The following ANKMY1 variants were observed in gnomAD, a reference collection of about 807,000 sequenced individuals.
ANKMY1 encodes the protein ankyrin repeat and MYND domain-containing protein 1.
ANKMY1 carries 98 observed loss-of-function variants against 102.0 expected under a neutral mutation model. The ratio of observed to expected loss-of-function variants is 0.96; its 90% confidence interval spans 0.82 to 1.14. The LOEUF (loss-of-function observed/expected upper bound fraction) is 1.14. Ranked by LOEUF, ANKMY1 falls within the 50% of genes most tolerant of loss-of-function variation. The pLI, the probability that ANKMY1 is intolerant of heterozygous loss-of-function variation, is 0.00. For synonymous variants in ANKMY1, 582 were observed against 559.9 expected (o/e 1.04, Z -0.56); for missense variants, 1,330 against 1,347.6 (o/e 0.99, Z 0.20).
At chr2:240,497,172 G>A (rs1559251285) in intron 15 of ANKMY1, among the ~76,000 whole-genome samples, 1 of 151,896 alleles carries the variant, frequency 6.6e-6, no homozygotes, top group African/African-American at 2.4e-5. Flanking sequence ...TGGAAGCTGA[G>A]CATAAGAATG....
intron 5 of ANKMY1, among the ~76,000 whole-genome samples, chr2:240,528,798 C>A (rs2084520811): frequency 6.6e-6 from 1 of 152,138 alleles, no homozygotes; most frequent in Non-Finnish European, 1.5e-5. Context: ...GATCCTGAGA[C>A]CCTCATTCCC....
intron 2 of ANKMY1, 105 bp downstream of exon 2, chr2:240,557,085 G>A: frequency 8.0e-7 from 1 of 1,248,220 alleles, no homozygotes; most frequent in Non-Finnish European, 1.1e-6. Context: ...GTTTCTCAGG[G>A]AGTAACACAG....
intron 15 of ANKMY1, among the ~76,000 whole-genome samples, chr2:240,485,615 G>C (rs1437865626): frequency 2.0e-5 from 3 of 150,692 alleles, no homozygotes; most frequent in Non-Finnish European, 4.4e-5. Context: ...TTTGAGACAG[G>C]TTCTCACCTT....
At chr2:240,526,978 C>G in intron 5 of ANKMY1, 1 of 1,015,654 alleles carries the variant, frequency 9.8e-7, no homozygotes, top group Non-Finnish European at 1.2e-6. Context: ...GCTTCTGTAC[C>G]TAACAGTCTT....
chr2:240,554,059 C>T (rs2091978106), intron 3 of ANKMY1: 1 of 152,262 alleles, frequency 6.6e-6, no homozygotes, highest in Non-Finnish European at 1.5e-5. Flanking sequence ...ACGTGAAGGG[C>T]ATGGCAGTTT....
Position 240,543,368 on chromosome 2 carries a change from T to A in ANKMY1, c.480+9546A>T, listed in dbSNP as rs568339333. 6.2e-3 allele frequency among the ~76,000 whole-genome samples: 938 copies of A among 150,740 alleles called. 10 individuals are homozygous for A. The highest frequency in any genetic ancestry group is 0.021 in the African/African-American group (884 of 41,166). On this transcript the variant is annotated intron_variant, in intron 4 of 17. Coordinates refer to ENST00000401804, the MANE Select transcript of ANKMY1 (RefSeq NM_001282771.3). ...ACTCTTTCTCAAAAAAAAAAAAAAATTATAGATAAAATAAAAATAGAAATG... is the reference window on the plus strand; with the variant it reads ...ACTCTTTCTCAAAAAAAAAAAAAAAATATAGATAAAATAAAAATAGAAATG...
chr2:240,507,821 C>A, intron 12 of ANKMY1, 130 bp from the exon 13 acceptor site: 1 of 1,158,108 alleles, frequency 8.6e-7, no homozygotes, highest in Non-Finnish European at 1.2e-6. Context: ...CACCGCTGGC[C>A]CTTCCCACGG....
In ANKMY1 at chr2:240,520,368, C is replaced by A. The variant is rs748841966; in HGVS notation, c.1998G>T (p.Pro666=). 4 of 1,551,012 alleles carry A rather than the reference C, an allele frequency of 2.6e-6. No homozygotes were observed. The African/African-American group carries it at 5.5e-5, about 21-fold the overall frequency. Residue 666 remains proline (P), a synonymous_variant, in exon 9 of 18, where the codon CCG becomes CCT. Coordinates refer to ENST00000401804, the MANE Select transcript of ANKMY1 (RefSeq NM_001282771.3). This position sits in a 1 kb window ranked among gnomAD's most constrained non-coding sequence, Gnocchi z 4.8. Reference sequence around the variant, plus strand: ...CGCCCGCCGCGGCTCCTACCTGCGGCGGAAAGCAGATGTCGGTCCTCGCCC... The same window carrying A: ...CGCCCGCCGCGGCTCCTACCTGCGGAGGAAAGCAGATGTCGGTCCTCGCCC... ...EHGARTDICF[P]PQLSTLTPLH... is the part of the protein sequence containing the mutation.
At chr2:240,488,402 G>A (rs776912783) in intron 15 of ANKMY1, among the ~76,000 whole-genome samples, 17 of 152,188 alleles carry the variant, frequency 1.1e-4, no homozygotes, top group Non-Finnish European at 1.3e-4. Flanking sequence ...TCCAGGTAAT[G>A]TGATGTCTCT....
rs1188556014 is a variant in ANKMY1, at chr2:240,483,831, C to T, written c.2807-1570G>A. 2.6e-5 allele frequency among the ~76,000 whole-genome samples: 4 copies of T among 152,144 alleles called. No homozygotes were observed. In the South Asian group the frequency reaches 8.3e-4, roughly 31 times the overall value. On this transcript the variant is annotated intron_variant, in intron 15 of 17. Transcript: ENST00000401804. ...GGTATTTCTTCTAATGCTATTCCTC[C>T]CCTAGCCCCCCACCCACCAACAGGT... is the stretch of plus-strand genomic sequence containing the variant.
chr2:240,522,883 G>A (rs2082588267), intron 8 of ANKMY1: 2 of 152,218 alleles, frequency 1.3e-5, no homozygotes, highest in South Asian at 4.1e-4. Flanking sequence ...CCAGAATTCT[G>A]CTATTCACTT....
rs752732515 is a variant in ANKMY1, at chr2:240,507,703, C to T, written c.2395-12G>A. 4 of 1,591,774 alleles carry T rather than the reference C, an allele frequency of 2.5e-6. No homozygotes were observed. The highest frequency in any genetic ancestry group is 3.4e-6 in the Non-Finnish European group (4 of 1,167,766). Reference sequence around the variant, plus strand: ...AGCTCCTTCACAACCTGAACATACACAGACAGTCTCATCAGTGGCCACCAT... The same window carrying T: ...AGCTCCTTCACAACCTGAACATACATAGACAGTCTCATCAGTGGCCACCAT... On this transcript the variant is annotated splice_polypyrimidine_tract_variant and intron_variant, in intron 12 of 17. Transcript: ENST00000401804.
At chr2:240,543,428 T>G (rs1228816969) in intron 4 of ANKMY1, among the ~76,000 whole-genome samples, 1 of 152,012 alleles carries the variant, frequency 6.6e-6, no homozygotes, top group Non-Finnish European at 1.5e-5. Context: ...TTTATCTGGG[T>G]TTTATATTTG....
chr2:240,514,509 A>G (rs2080838891), intron 9 of ANKMY1, among the ~76,000 whole-genome samples: 1 of 152,204 alleles, frequency 6.6e-6, no homozygotes, highest in African/African-American at 2.4e-5. Flanking sequence ...TCAAAGGTCT[A>G]AGGGAAAACA....
intron 17 of ANKMY1, among the ~76,000 whole-genome samples, chr2:240,480,264 T>C (rs565522486): frequency 2.6e-5 from 4 of 152,220 alleles, no homozygotes; most frequent in Admixed American, 6.5e-5. Context: ...GGCACAGGCC[T>C]AAGGGGGCAG....
At chr2:240,561,058 G>C, upstream of ANKMY1, 1 of 1,497,906 alleles carries the variant, frequency 6.7e-7, no homozygotes. Context: ...CGCGGCCTCA[G>C]CCTGGCGAAG....
chr2:240,490,578 T>C (rs1053458601), intron 15 of ANKMY1, among the ~76,000 whole-genome samples: 23 of 152,192 alleles, frequency 1.5e-4, no homozygotes, highest in African/African-American at 5.5e-4. Flanking sequence ...ATATACATAG[T>C]TGTATATATT....
rs866159068 is a variant in ANKMY1, at chr2:240,528,977, T to G, written c.953+60A>C. 199 of 1,525,340 alleles carry G rather than the reference T, an allele frequency of 1.3e-4. No individual in the cohort carries two copies. In the African/African-American group the frequency reaches 2.3e-3, roughly 18 times the overall value. The allele number at this position is 1,525,340 out of a possible 1,614,324, so 94.5% of individuals were successfully genotyped here. A position where few individuals can be genotyped will look rare whatever the true frequency, so the allele number is the denominator to read the frequency against. ...CAGCTGGCCGGGGACCTCAGGAACC[T>G]GCCTAGGGCAGCCTGCACAGTGCAC... On this transcript the variant is annotated intron_variant, in intron 5 of 17. Transcript: ENST00000401804.
intron 11 of ANKMY1, among the ~76,000 whole-genome samples, chr2:240,509,969 C>T (rs761181354): frequency 1.2e-4 from 17 of 145,268 alleles, no homozygotes; most frequent in Non-Finnish European, 4.6e-5. Flanking sequence ...CTCCCTGCCT[C>T]CCTGACTCCT....
Sources: allele counts gnomAD v4.1 joint callset (sites outside exome capture counted in the v4.1 genomes callset), GRCh38; gene constraint gnomAD v4.1.1; non-coding constraint Gnocchi (gnomAD v3.1); transcripts MANE v1.5; gene names NCBI Gene and HGNC (gene_info 2026-07-23, HGNC 2026-07-21).